The following UST variants were observed in gnomAD, a reference collection of about 807,000 sequenced individuals.
The protein encoded by UST is uronyl 2-sulfotransferase, also known as chondroitin sulfate 2-O-sulfotransferase.
UST carries 21 observed loss-of-function variants against 45.6 expected under a neutral mutation model. That is an observed-to-expected ratio of 0.46 (90% CI 0.33 to 0.66). The LOEUF is 0.66. Ranked by LOEUF, UST falls within the 30% of genes least tolerant of loss-of-function variation. The pLI, the probability that UST is intolerant of heterozygous loss-of-function variation, is 0.02. For missense variants in UST, 463 were observed against 512.4 expected (o/e 0.90, Z 0.93); for synonymous variants, 215 against 200.6 (o/e 1.07, Z -0.61).
chr6:148,864,747 C>T (rs1380329136), intron 1 of UST, among the ~76,000 whole-genome samples: 2 of 152,146 alleles, frequency 1.3e-5, no homozygotes, highest in Non-Finnish European at 2.9e-5. Flanking sequence ...CAGAAAATGT[C>T]ATGATTAATA....
chr6:149,050,361 T>C (rs906384923), intron 7 of UST, among the ~76,000 whole-genome samples: 5 of 152,210 alleles, frequency 3.3e-5, no homozygotes, highest in African/African-American at 1.2e-4. Flanking sequence ...AGAACTGAGG[T>C]TGAAATATGC....
chr6:149,036,864 C>G (rs1307336211), intron 7 of UST, among the ~76,000 whole-genome samples: 2 of 152,148 alleles, frequency 1.3e-5, no homozygotes, highest in Admixed American at 1.3e-4. Context: ...TTTAAAATTA[C>G]CTAGAAGACA....
At chr6:148,781,429 A>G (rs1247767933) in intron 1 of UST, among the ~76,000 whole-genome samples, 2 of 152,194 alleles carry the variant, frequency 1.3e-5, no homozygotes, top group African/African-American at 4.8e-5. Flanking sequence ...GAGAGAGGTG[A>G]GGAAGCTGCA....
intron 1 of UST, among the ~76,000 whole-genome samples, chr6:148,878,707 A>AGGTCATGTATGAGTGCGGG (rs1562286735): frequency 4.2e-5 from 1 of 23,590 alleles, no homozygotes; most frequent in Non-Finnish European, 6.6e-5. Context: ...GTGAGTGCGG[A>AGGTCATGTATGAGTGCGGG]GGTCGTGTAT....
chr6:148,824,565 A>G (rs1234860129), intron 1 of UST, among the ~76,000 whole-genome samples: 2 of 152,212 alleles, frequency 1.3e-5, no homozygotes, highest in Non-Finnish European at 1.5e-5. Context: ...TCACTGATAC[A>G]TTGAAGAGGT....
rs189002870 is a variant in UST at position 148,935,799 on chromosome 6, C to T, written c.292-5480C>T. 9.2e-5 allele frequency among the ~76,000 whole-genome samples: 14 copies of T among 152,242 alleles called. No homozygotes were observed. The East Asian group carries it at 1.4e-3, about 15-fold the overall frequency. On this transcript the variant is annotated intron_variant, in intron 2 of 7. Coordinates refer to ENST00000367463, the MANE Select transcript of UST (RefSeq NM_005715.3). Reference sequence around the variant, plus strand: ...TGCCACCTTCTTCTCCAATTAGCTGCGTTGACACTCTGGGCTTCCATTAGC... The same window carrying T: ...TGCCACCTTCTTCTCCAATTAGCTGTGTTGACACTCTGGGCTTCCATTAGC...
rs189533912 is a variant in UST, at chr6:149,072,410, T to C, written c.938-1423T>C. Among the ~76,000 whole-genome samples, 614 of 152,222 alleles carry C rather than the reference T, an allele frequency of 4.0e-3. 3 individuals are homozygous for C. The highest frequency in any genetic ancestry group is 0.014 in the African/African-American group (594 of 41,520). ...GGCTCACACCTGTAATACCAGCACT[T>C]TGGGAGGCCGAGGCAGGTGGATCAC... On this transcript the variant is annotated intron_variant, in intron 7 of 7. Coordinates refer to ENST00000367463, the MANE Select transcript of UST (RefSeq NM_005715.3).
intron 1 of UST, among the ~76,000 whole-genome samples, chr6:148,815,165 A>G (rs1777332069): frequency 6.6e-6 from 1 of 152,260 alleles, no homozygotes; most frequent in Admixed American, 6.5e-5. Context: ...TAGAGCATAT[A>G]CATGAATATT....
chr6:148,940,795 G>C (rs1471156669), intron 2 of UST, among the ~76,000 whole-genome samples: 2 of 152,094 alleles, frequency 1.3e-5, no homozygotes, highest in East Asian at 3.9e-4. Context: ...TTTTTCATGT[G>C]CTTGTTGGCC....
chr6:148,759,705 G>A (rs981767797), intron 1 of UST, among the ~76,000 whole-genome samples: 2 of 150,886 alleles, frequency 1.3e-5, no homozygotes, highest in Admixed American at 6.6e-5. Flanking sequence ...AAAATTAGCC[G>A]GGCATGGTGG....
intron 1 of UST, among the ~76,000 whole-genome samples, chr6:148,752,110 A>G (rs1486114523): frequency 6.6e-6 from 1 of 152,236 alleles, no homozygotes; most frequent in Non-Finnish European, 1.5e-5. Context: ...AGAATTGCCA[A>G]TCTTTACGTA....
chr6:148,783,005 G>A (rs1269456814), intron 1 of UST, among the ~76,000 whole-genome samples: 2 of 152,154 alleles, frequency 1.3e-5, no homozygotes, highest in Non-Finnish European at 2.9e-5. Flanking sequence ...CATCAATGTG[G>A]CAAACTTCGT....
chr6:148,909,784 G>A (rs1779438730), intron 2 of UST, among the ~76,000 whole-genome samples: 1 of 152,156 alleles, frequency 6.6e-6, no homozygotes, highest in Non-Finnish European at 1.5e-5. Context: ...TCTTTTGCTA[G>A]GTAGCAATTC....
At chr6:148,970,210 G>T (rs979790512) in intron 5 of UST, among the ~76,000 whole-genome samples, 3 of 152,164 alleles carry the variant, frequency 2.0e-5, no homozygotes. Context: ...AACAAGATGG[G>T]TGAAGGAGGG....
chr6:148,777,538 T>G (rs1191018808), intron 1 of UST, among the ~76,000 whole-genome samples: 1 of 152,194 alleles, frequency 6.6e-6, no homozygotes, highest in East Asian at 1.9e-4. Flanking sequence ...TACTGTACCT[T>G]TCCATGTTAA....
intron 1 of UST, among the ~76,000 whole-genome samples, chr6:148,776,631 G>C (rs907848807): frequency 2.0e-5 from 3 of 152,232 alleles, no homozygotes; most frequent in African/African-American, 7.2e-5. Context: ...ATGGAATGAA[G>C]AGCTCCAGAT....
chr6:148,924,354 T>G (rs1429516500), intron 2 of UST, among the ~76,000 whole-genome samples: 1 of 152,198 alleles, frequency 6.6e-6, no homozygotes, highest in East Asian at 1.9e-4. Flanking sequence ...CACCTTGTAC[T>G]TATCTCTGAC....
intron 2 of UST, among the ~76,000 whole-genome samples, chr6:148,917,290 A>G (rs1472502283): frequency 6.6e-6 from 1 of 152,168 alleles, no homozygotes; most frequent in Non-Finnish European, 1.5e-5. Context: ...TTACCTTCAT[A>G]GCTGCATTTA....
intron 5 of UST, among the ~76,000 whole-genome samples, chr6:148,970,058 C>T (rs1780884191): frequency 6.6e-6 from 1 of 152,208 alleles, no homozygotes; most frequent in South Asian, 2.1e-4. Flanking sequence ...GACCAGGAAG[C>T]CCCAGCTTCA....
Sources: gnomAD v4.1 joint callset for allele counts (sites outside exome capture counted in the v4.1 genomes callset) on GRCh38, gnomAD v4.1.1 for gene constraint, MANE v1.5 for transcripts, NCBI Gene and HGNC (gene_info 2026-07-23, HGNC 2026-07-21) for gene names.